TTC27: variants seen among roughly 807,000 people sequenced by gnomAD.
The protein encoded by TTC27 is tetratricopeptide repeat domain 27.
A neutral mutation model predicts 115.9 loss-of-function variants in TTC27; 79 were observed. The ratio of observed to expected loss-of-function variants is 0.68; its 90% CI spans 0.57 to 0.82. The LOEUF is 0.82. Ranked by LOEUF, TTC27 falls within the 40% of genes least tolerant of loss-of-function variation. The pLI, the probability that TTC27 is intolerant of heterozygous loss-of-function variation, is 0.00. For synonymous variants in TTC27, 401 were observed against 356.0 expected (o/e 1.13, Z -1.42); for missense variants, 1,054 against 993.1 (o/e 1.06, Z -0.82).
rs573586951 is a variant in TTC27 at position 32,646,292 on chromosome 2, T to A, written c.538-3839T>A. 3.9e-5 allele frequency among the ~76,000 whole-genome samples: 6 copies of A among 152,074 alleles called. No individual in the cohort carries two copies. The South Asian group carries it at 1.2e-3, about 31-fold the overall frequency. ...ATCCACCTGCCTTGGCCTCCCACAG[T>A]GCTGGGATTACAGGTGTGAGCCACC... On this transcript the variant is annotated intron_variant, in intron 4 of 19. Transcript: ENST00000317907.
At chr2:32,694,831 C>T (rs1572522165) in intron 9 of TTC27, among the ~76,000 whole-genome samples, 1 of 151,144 alleles carries the variant, frequency 6.6e-6, no homozygotes, top group African/African-American at 2.4e-5. Context: ...CACTGCCACA[C>T]CAGGTTTTTT....
intron 3 of TTC27, among the ~76,000 whole-genome samples, chr2:32,636,497 G>C (rs1382025161): frequency 6.6e-6 from 1 of 152,196 alleles, no homozygotes; most frequent in Non-Finnish European, 1.5e-5. Flanking sequence ...TATGGTGTGA[G>C]CCACTGCGCC....
chr2:32,645,797 A>C (rs1226017072), intron 4 of TTC27, among the ~76,000 whole-genome samples: 1 of 151,028 alleles, frequency 6.6e-6, no homozygotes, highest in Admixed American at 6.6e-5. Context: ...GCTCAGTGCA[A>C]CCTCCGCCTC....
At chr2:32,672,851 A>C (rs1666060347) in intron 8 of TTC27, among the ~76,000 whole-genome samples, 1 of 152,254 alleles carries the variant, frequency 6.6e-6, no homozygotes, top group Non-Finnish European at 1.5e-5. Context: ...TAAGTTTCCA[A>C]GATGATGCTG....
At chr2:32,649,446 G>GA (rs1374136490) in intron 4 of TTC27, among the ~76,000 whole-genome samples, 1 of 152,082 alleles carries the variant, frequency 6.6e-6, no homozygotes, top group Non-Finnish European at 1.5e-5. Flanking sequence ...TCAGGTGATG[G>GA]AAAAATCACC....
chr2:32,800,886 C>T (rs893674520), intron 16 of TTC27, among the ~76,000 whole-genome samples: 1 of 152,064 alleles, frequency 6.6e-6, no homozygotes, highest in East Asian at 1.9e-4. Context: ...GAAAGTATGG[C>T]AAATATTTTT....
At chr2:32,639,451 G>A (rs1664555094) in intron 3 of TTC27, among the ~76,000 whole-genome samples, 1 of 151,606 alleles carries the variant, frequency 6.6e-6, no homozygotes, top group African/African-American at 2.4e-5. Flanking sequence ...TGCCCATTCT[G>A]CATTTGATGC....
At chr2:32,774,037 T>C (rs1056713037) in intron 13 of TTC27, among the ~76,000 whole-genome samples, 8 of 152,190 alleles carry the variant, frequency 5.3e-5, no homozygotes, top group African/African-American at 1.9e-4. Flanking sequence ...TTCACATCTT[T>C]GAATTCACAT....
At chr2:32,810,529 A>G (rs1671284783) in intron 16 of TTC27, among the ~76,000 whole-genome samples, 1 of 152,190 alleles carries the variant, frequency 6.6e-6, no homozygotes, top group African/African-American at 2.4e-5. Context: ...AGGCTCACCT[A>G]GAGATTACAG....
intron 14 of TTC27, chr2:32,780,133 CT>C (rs1156513778): frequency 1.3e-5 from 6 of 462,042 alleles, no homozygotes; most frequent in African/African-American, 2.0e-5. Context: ...CAACTTTGTT[CT>C]TCCTTTACAA....
chr2:32,738,628 GC>G (rs1668524950), intron 12 of TTC27, among the ~76,000 whole-genome samples: 1 of 152,118 alleles, frequency 6.6e-6, no homozygotes, highest in East Asian at 1.9e-4. Context: ...GTGTTTAATT[GC>G]CATTTAAAAT....
intron 12 of TTC27, among the ~76,000 whole-genome samples, chr2:32,746,945 A>G (rs1668853413): frequency 1.3e-5 from 2 of 152,216 alleles, no homozygotes; most frequent in African/African-American, 4.8e-5. Context: ...TCAGGGAGAA[A>G]GAATTAACTT....
chr2:32,781,462 A>T (rs559442391), intron 14 of TTC27, among the ~76,000 whole-genome samples: 1 of 152,236 alleles, frequency 6.6e-6, no homozygotes, highest in Admixed American at 6.5e-5. Context: ...CACCTCGTGG[A>T]TGCTGTGCTG....
chr2:32,731,074 T>G (rs891600364), intron 10 of TTC27, among the ~76,000 whole-genome samples: 5 of 151,416 alleles, frequency 3.3e-5, no homozygotes, highest in Admixed American at 1.3e-4. Flanking sequence ...ATGTGTGGGG[T>G]TTTTTTTGTG....
At chr2:32,638,934 A>G (rs1366088655) in intron 3 of TTC27, among the ~76,000 whole-genome samples, 1 of 151,666 alleles carries the variant, frequency 6.6e-6, no homozygotes, top group African/African-American at 2.4e-5. Flanking sequence ...CTGGGTTCAC[A>G]ACATTCTCCT....
At chr2:32,796,520 G>A (rs1670708302) in intron 16 of TTC27, among the ~76,000 whole-genome samples, 1 of 152,146 alleles carries the variant, frequency 6.6e-6, no homozygotes, top group Non-Finnish European at 1.5e-5. Context: ...GTGAACAAGT[G>A]TATGCCAACA....
intron 7 of TTC27, 73 bp from the exon 8 acceptor site, chr2:32,672,199 C>G (rs1458847472): frequency 1.5e-5 from 16 of 1,060,208 alleles, no homozygotes; most frequent in Non-Finnish European, 2.9e-6. Flanking sequence ...TTCTAGCAAT[C>G]TATTACATGC....
intron 10 of TTC27, among the ~76,000 whole-genome samples, chr2:32,728,735 G>A (rs1400818590): frequency 6.6e-6 from 1 of 152,130 alleles, no homozygotes; most frequent in Non-Finnish European, 1.5e-5. Context: ...CAGCAACAGT[G>A]TTCTATGTAT....
chr2:32,817,519 G>T lies in TTC27; in HGVS notation c.2371G>T (p.Val791Phe), dbSNP rs769643133. The change falls in exon 19 of 20, where the codon GTT becomes TTT. Residue 791 changes from valine (V) to phenylalanine (F), a missense_variant. Physicochemically the swap from Val to Phe is conservative, Grantham distance 50. Coordinates refer to ENST00000317907, the MANE Select transcript of TTC27 (RefSeq NM_017735.5). ...AGAAGCTGTACAAATGCTTTCTTCTGTTCGACTCAATTTACGGGGCTTGTT... is the reference window on the plus strand; with the variant it reads ...AGAAGCTGTACAAATGCTTTCTTCTTTTCGACTCAATTTACGGGGCTTGTT... ...SQEAVQMLSS[V>F]RLNLRGLLSK... is the part of the protein sequence containing the mutation. The T allele has an allele frequency of 6.2e-7, 1 of 1,614,064 alleles. No homozygotes were observed. The highest frequency in any genetic ancestry group is 8.5e-7 in the Non-Finnish European group (1 of 1,179,966).
Sources: gnomAD v4.1 joint callset for allele counts (sites outside exome capture counted in the v4.1 genomes callset) on GRCh38, gnomAD v4.1.1 for gene constraint, MANE v1.5 for transcripts, NCBI Gene and HGNC (gene_info 2026-07-23, HGNC 2026-07-21) for gene names.